The following CLSTN2 variants were observed in gnomAD, a reference collection of about 807,000 sequenced individuals.
CLSTN2 encodes the protein calsyntenin 2.
CLSTN2 carries 48 observed loss-of-function variants against 101.2 expected under a neutral mutation model. The ratio of observed to expected loss-of-function variants is 0.47; its 90% confidence interval spans 0.38 to 0.60. The LOEUF is 0.60. Ranked by LOEUF, CLSTN2 falls within the 20% of genes least tolerant of loss-of-function variation. The pLI is 0.00. For synonymous variants in CLSTN2, 481 were observed against 463.6 expected (o/e 1.04, Z -0.48); for missense variants, 1,160 against 1,238.2 (o/e 0.94, Z 0.95).
intron 4 of CLSTN2, among the ~76,000 whole-genome samples, chr3:140,419,776 C>T (rs1414627223): frequency 1.7e-5 from 1 of 57,924 alleles, no homozygotes; most frequent in South Asian, 4.3e-4. Flanking sequence ...CACGTGTATA[C>T]ACGTATATAC....
intron 1 of CLSTN2, among the ~76,000 whole-genome samples, chr3:140,013,657 G>A (rs116307152): frequency 0.011 from 1,727 of 152,044 alleles, 32 homozygotes; most frequent in African/African-American, 0.038. Context: ...AAATCAAATT[G>A]CAAAACCCTA....
chr3:140,446,056 G>A (rs16850266), intron 5 of CLSTN2, among the ~76,000 whole-genome samples: 66,018 of 151,570 alleles, frequency 0.44, 15,078 homozygotes, highest in East Asian at 0.57. Flanking sequence ...ACAGAAATAC[G>A]GAGTGGTACA....
intron 1 of CLSTN2, among the ~76,000 whole-genome samples, chr3:140,057,610 C>T (rs986477573): frequency 7.2e-5 from 11 of 152,100 alleles, no homozygotes; most frequent in East Asian, 5.8e-4. Flanking sequence ...ATTGCATCCT[C>T]GAGAGCAAAT....
chr3:140,137,833 G>A lies in CLSTN2; in HGVS notation c.110-38118G>A, dbSNP rs530182705. On this transcript the variant is annotated intron_variant, in intron 1 of 16. Transcript: ENST00000458420. ...TCTTTCAGATGAGGAAGACATGTCA[G>A]AATGATTGTGTGAGTTGTGCAGGGT... Among the ~76,000 whole-genome samples, 23 of 152,306 alleles carry A rather than the reference G, an allele frequency of 1.5e-4. No homozygotes were observed. In the South Asian group the frequency reaches 4.6e-3, roughly 30 times the overall value.
intron 8 of CLSTN2, among the ~76,000 whole-genome samples, chr3:140,467,112 C>A (rs182910988): frequency 5.9e-5 from 9 of 152,260 alleles, no homozygotes; most frequent in African/African-American, 2.2e-4. Flanking sequence ...CTACTACCTC[C>A]TTTGGGTGAC....
rs1239091278 is a variant in CLSTN2, at chr3:140,532,428, C to G, written c.1449C>G (p.Asp483Glu). ...ATYEPYLVTN[D>E]WPIHPSHIAM... ...ATGAACCATACCTGGTGACCAACGA[C>G]TGGCCCATTCATCCATCTCACATAG... Residue 483 changes from aspartate to glutamate, a missense_variant, in exon 9 of 17, where the codon GAC becomes GAG. Coordinates refer to ENST00000458420, the MANE Select transcript of CLSTN2 (RefSeq NM_022131.3). 1 of 1,614,058 alleles carries G rather than the reference C, an allele frequency of 6.2e-7. No homozygotes were observed. Among genetic ancestry groups the G allele is most frequent in the South Asian group, 1.1e-5 (1 of 91,048 alleles).
chr3:140,098,850 G>C (rs1208170591), intron 1 of CLSTN2, among the ~76,000 whole-genome samples: 1 of 152,154 alleles, frequency 6.6e-6, no homozygotes, highest in Non-Finnish European at 1.5e-5. Context: ...CTAGGAGCAG[G>C]GGTGAGAGCT....
chr3:140,058,372 A>G lies in CLSTN2; in HGVS notation c.110-117579A>G, dbSNP rs79758990. Among the ~76,000 whole-genome samples, 45 of 152,280 alleles carry G rather than the reference A, an allele frequency of 3.0e-4. No homozygotes were observed. In the East Asian group the frequency reaches 8.7e-3, roughly 29 times the overall value. On this transcript the variant is annotated intron_variant, in intron 1 of 16. Transcript: ENST00000458420. ...CCAGGATCTCATTAGGATTTTATTAATGATGGAGGAAGCATCATGGATGGA... is the reference window on the plus strand; with the variant it reads ...CCAGGATCTCATTAGGATTTTATTAGTGATGGAGGAAGCATCATGGATGGA...
At chr3:140,004,508 C>T (rs543799253) in intron 1 of CLSTN2, among the ~76,000 whole-genome samples, 1 of 152,168 alleles carries the variant, frequency 6.6e-6, no homozygotes, top group Non-Finnish European at 1.5e-5. Context: ...GGAGGATGAA[C>T]CTCTAAAAAT....
chr3:140,166,260 C>T (rs2107822757), intron 1 of CLSTN2, among the ~76,000 whole-genome samples: 1 of 152,328 alleles, frequency 6.6e-6, no homozygotes, highest in African/African-American at 2.4e-5. Flanking sequence ...CTCCACCCAT[C>T]AGTTACCCCA....
At chr3:140,212,582 C>T (rs1460623939) in intron 2 of CLSTN2, among the ~76,000 whole-genome samples, 1 of 152,152 alleles carries the variant, frequency 6.6e-6, no homozygotes, top group African/African-American at 2.4e-5. Context: ...CAATGGCTCC[C>T]CTCTGCTTTT....
chr3:140,429,449 G>C (rs2088605552), intron 5 of CLSTN2, among the ~76,000 whole-genome samples: 1 of 152,064 alleles, frequency 6.6e-6, no homozygotes, highest in Admixed American at 6.5e-5. Context: ...GAGAGGAGGG[G>C]GTATTCCAGA....
chr3:140,385,315 T>A (rs1399221429), intron 2 of CLSTN2, among the ~76,000 whole-genome samples: 1 of 150,932 alleles, frequency 6.6e-6, no homozygotes, highest in East Asian at 1.9e-4. Flanking sequence ...CTCAAAAGAT[T>A]AGAAATTTGG....
At chr3:140,537,696 A>T (rs1935386671) in intron 9 of CLSTN2, among the ~76,000 whole-genome samples, 2 of 152,216 alleles carry the variant, frequency 1.3e-5, no homozygotes, top group African/African-American at 4.8e-5. Flanking sequence ...ACAACGTAAA[A>T]GATCATTTAA....
At chr3:140,420,567 G>A (rs1014266965) in intron 4 of CLSTN2, among the ~76,000 whole-genome samples, 7 of 152,166 alleles carry the variant, frequency 4.6e-5, no homozygotes, top group South Asian at 2.1e-4. Flanking sequence ...TGTCTTCTTC[G>A]GGGCGAAAAG....
chr3:140,326,208 T>C (rs2087330924), intron 2 of CLSTN2, among the ~76,000 whole-genome samples: 1 of 152,218 alleles, frequency 6.6e-6, no homozygotes, highest in Non-Finnish European at 1.5e-5. Context: ...GTTTCTTAAG[T>C]TTCCCCAAAC....
chr3:140,501,103 G>T (rs1934565553), intron 8 of CLSTN2, among the ~76,000 whole-genome samples: 1 of 152,046 alleles, frequency 6.6e-6, no homozygotes, highest in African/African-American at 2.4e-5. Context: ...AACACACATG[G>T]TGCCCAAGTT....
At chr3:140,374,569 C>T (rs1429837583) in intron 2 of CLSTN2, among the ~76,000 whole-genome samples, 1 of 152,108 alleles carries the variant, frequency 6.6e-6, no homozygotes, top group Non-Finnish European at 1.5e-5. Flanking sequence ...AAAAAGAAGA[C>T]CCCAGATATT....
chr3:140,133,809 G>A (rs1389139658), intron 1 of CLSTN2, among the ~76,000 whole-genome samples: 3 of 152,178 alleles, frequency 2.0e-5, no homozygotes, highest in African/African-American at 7.2e-5. Flanking sequence ...GTCTCCCCAT[G>A]CAGGTTAAGA....
Sources: gnomAD v4.1 joint callset for allele counts (sites outside exome capture counted in the v4.1 genomes callset) on GRCh38, gnomAD v4.1.1 for gene constraint, MANE v1.5 for transcripts, NCBI Gene and HGNC (gene_info 2026-07-23, HGNC 2026-07-21) for gene names.